The following STK32B variants were observed in gnomAD, a reference collection of about 807,000 sequenced individuals.
STK32B encodes the protein serine/threonine-protein kinase 32B.
In STK32B, 43 loss-of-function variants were observed where a neutral mutation model predicts 52.6. The ratio of observed to expected loss-of-function variants is 0.82; its 90% CI spans 0.64 to 1.05. The LOEUF (loss-of-function observed/expected upper bound fraction) is 1.05. STK32B is among the 50% of genes least tolerant of loss of function. STK32B has a pLI of 0.00. For synonymous variants in STK32B, 238 were observed against 204.3 expected, an observed-to-expected ratio of 1.17 and a Z score of -1.41; for missense variants, 621 against 534.6, an observed-to-expected ratio of 1.16 and a Z score of -1.59.
In STK32B at chr4:5,386,872, C is replaced by T. The variant is rs1011009232; in HGVS notation, c.435-11335C>T. Among the ~76,000 whole-genome samples, 3 of 152,140 alleles carry T rather than the reference C, an allele frequency of 2.0e-5. No homozygotes were observed. The highest frequency in any genetic ancestry group is 6.5e-5 in the Admixed American group (1 of 15,280). Reference sequence around the variant, plus strand: ...CTTGATACGAACTTGAGATCTTTCCCGCATTGTCCTCAGAAAGCTGGATGA... The same window carrying T: ...CTTGATACGAACTTGAGATCTTTCCTGCATTGTCCTCAGAAAGCTGGATGA... On this transcript the variant is annotated intron_variant, in intron 4 of 11. Transcript: ENST00000282908. This position sits in a 1 kb window ranked among gnomAD's most constrained non-coding sequence, Gnocchi z 4.5.
At chr4:5,056,947 T>C (rs1459139113) in intron 1 of STK32B, among the ~76,000 whole-genome samples, 1 of 152,244 alleles carries the variant, frequency 6.6e-6, no homozygotes, top group African/African-American at 2.4e-5. Flanking sequence ...CTGTTATTAT[T>C]GTGTTCCTTG....
chr4:5,272,986 CAAATGGGAT>C (rs1727549642), intron 3 of STK32B, among the ~76,000 whole-genome samples: 1 of 141,454 alleles, frequency 7.1e-6, no homozygotes, highest in Non-Finnish European at 1.5e-5. Flanking sequence ...ACAAAATTGA[CAAATGGGAT>C]CTAATTAAAC....
chr4:5,307,569 T>C (rs1042798759), intron 3 of STK32B, among the ~76,000 whole-genome samples: 5 of 149,396 alleles, frequency 3.3e-5, no homozygotes, highest in Admixed American at 2.0e-4. Context: ...TTTTTTAGGT[T>C]GAACTTCACC....
At chr4:5,413,800 G>A (rs1711916972) in intron 5 of STK32B, among the ~76,000 whole-genome samples, 1 of 152,170 alleles carries the variant, frequency 6.6e-6, no homozygotes, top group African/African-American at 2.4e-5. Flanking sequence ...CCTCTGCAGC[G>A]AGGTAACATT....
intron 1 of STK32B, among the ~76,000 whole-genome samples, chr4:5,116,196 A>ACACACACACACACACACACG (rs1714707697): frequency 6.6e-6 from 1 of 152,052 alleles, no homozygotes; most frequent in African/African-American, 2.4e-5. Flanking sequence ...ACACACACAC[A>ACACACACACACACACACACG]CACACGCACA....
At chr4:5,428,959 G>A in intron 6 of STK32B, among the ~76,000 whole-genome samples, 1 of 152,150 alleles carries the variant, frequency 6.6e-6, no homozygotes, top group Non-Finnish European at 1.5e-5. Flanking sequence ...GCTGGTAAAT[G>A]TCTAACAGCT....
intron 11 of STK32B, among the ~76,000 whole-genome samples, chr4:5,495,481 A>T (rs992112984): frequency 5.9e-5 from 9 of 151,868 alleles, no homozygotes; most frequent in Non-Finnish European, 1.3e-4. Flanking sequence ...ATTCGTCTGA[A>T]TTTTTTTCAA....
chr4:5,259,135 G>A lies in STK32B; in HGVS notation c.261-72085G>A, dbSNP rs1910386. Among the ~76,000 whole-genome samples the A allele has an allele frequency of 7.2e-3, 1,098 of 152,142 alleles. 19 individuals are homozygous for A. Among genetic ancestry groups the A allele is most frequent in the East Asian group, 0.071 (367 of 5,180 alleles). The stretch of plus-strand genomic sequence containing the variant: ...TTCCCTGGCAACCTCATCTAAAATT[G>A]CCACCCTCAAAAATTACCCACACAC... On this transcript the variant is annotated intron_variant, in intron 3 of 11. Transcript: ENST00000282908.
At chr4:5,257,247 TTGAG>T (rs893631826) in intron 3 of STK32B, among the ~76,000 whole-genome samples, 43 of 120,682 alleles carry the variant, frequency 3.6e-4, no homozygotes, top group South Asian at 1.7e-3. Context: ...GAGTGAATGA[TTGAG>T]TGAATGAATG....
At chr4:5,322,974 G>T (rs1476684376) in intron 3 of STK32B, among the ~76,000 whole-genome samples, 1 of 152,302 alleles carries the variant, frequency 6.6e-6, no homozygotes, top group African/African-American at 2.4e-5. Context: ...AACTGACCTA[G>T]TGACCTTGGA....
chr4:5,419,603 G>C (rs1269142844), intron 6 of STK32B, among the ~76,000 whole-genome samples: 1 of 152,170 alleles, frequency 6.6e-6, no homozygotes, highest in African/African-American at 2.4e-5. Flanking sequence ...TTGTTTTCTG[G>C]TCCATAGAAT....
chr4:5,380,917 GTCA>G lies in STK32B; in HGVS notation c.435-17285_435-17283del, dbSNP rs1735896806. Among the ~76,000 whole-genome samples the G allele has an allele frequency of 6.6e-6, 1 of 152,100 alleles. No individual in the cohort carries two copies. The highest frequency in any genetic ancestry group is 2.1e-4 in the South Asian group (1 of 4,820). The stretch of plus-strand genomic sequence containing the variant: ...GCTCATCATAGTTGTCAGTGCCAAC[GTCA>G]TCATTATCCTCTCCAGCAGCCCACC... On this transcript the variant is annotated intron_variant, in intron 4 of 11. Transcript: ENST00000282908. The surrounding 1 kb of genome is among the most constrained non-coding windows in gnomAD (Gnocchi z 4.3).
intron 3 of STK32B, among the ~76,000 whole-genome samples, chr4:5,244,599 T>A (rs1217352855): frequency 6.6e-6 from 1 of 152,216 alleles, no homozygotes; most frequent in African/African-American, 2.4e-5. Flanking sequence ...TGATCTTAGT[T>A]ATTTCTTGCC....
At chr4:5,339,760 T>C (rs374228736) in intron 4 of STK32B, among the ~76,000 whole-genome samples, 6 of 152,200 alleles carry the variant, frequency 3.9e-5, no homozygotes, top group African/African-American at 1.2e-4. Flanking sequence ...ACCTCGATTT[T>C]CTAATCTGAA....
chr4:5,476,956 C>T (rs982243495), intron 11 of STK32B, among the ~76,000 whole-genome samples: 4 of 151,936 alleles, frequency 2.6e-5, no homozygotes, highest in Non-Finnish European at 4.4e-5. Context: ...GGAAGGACTT[C>T]CCCCTGCAAC....
chr4:5,274,095 C>G (rs1381294259), intron 3 of STK32B, among the ~76,000 whole-genome samples: 2 of 152,092 alleles, frequency 1.3e-5, no homozygotes, highest in African/African-American at 4.8e-5. Flanking sequence ...CAATCTCAAT[C>G]AAAATCCCAG....
At chr4:5,282,667 C>T (rs1728286128) in intron 3 of STK32B, among the ~76,000 whole-genome samples, 1 of 152,008 alleles carries the variant, frequency 6.6e-6, no homozygotes, top group Admixed American at 6.6e-5. Flanking sequence ...ACTAATGAGA[C>T]AGAAGAAGGA....
At chr4:5,244,116 G>T (rs866280419) in intron 3 of STK32B, among the ~76,000 whole-genome samples, 1 of 152,058 alleles carries the variant, frequency 6.6e-6, no homozygotes, top group Non-Finnish European at 1.5e-5. Context: ...GGAGGATTCT[G>T]TCTTTTTCTA....
intron 2 of STK32B, among the ~76,000 whole-genome samples, chr4:5,160,400 C>A (rs114624186): frequency 6.6e-6 from 1 of 152,180 alleles, no homozygotes; most frequent in African/African-American, 2.4e-5. Flanking sequence ...ACACGTGCCA[C>A]GGCATGTCTC....
Sources: allele counts gnomAD v4.1 joint callset (sites outside exome capture counted in the v4.1 genomes callset), GRCh38; gene constraint gnomAD v4.1.1; non-coding constraint Gnocchi (gnomAD v3.1); transcripts MANE v1.5; gene names NCBI Gene and HGNC (gene_info 2026-07-23, HGNC 2026-07-21).